Variants in SLC22A23 observed in about 807,000 individuals in gnomAD.
SLC22A23 encodes the protein solute carrier family 22 member 23, also known as ion transporter protein.
SLC22A23 carries 26 observed loss-of-function variants against 61.0 expected under a neutral mutation model. That is an observed-to-expected ratio of 0.43 (90% CI 0.31 to 0.59). The LOEUF is 0.59. Ranked by LOEUF, SLC22A23 falls within the 20% of genes least tolerant of loss-of-function variation. The pLI is 0.11. For synonymous variants in SLC22A23, 430 were observed against 413.9 expected (o/e 1.04, Z -0.47); for missense variants, 796 against 934.7 (o/e 0.85, Z 1.94).
intron 4 of SLC22A23, chr6:3,313,466 G>A (rs898244034): frequency 2.6e-5 from 4 of 152,060 alleles, no homozygotes; most frequent in Non-Finnish European, 4.4e-5. Flanking sequence ...TTTTCATGAC[G>A]CACCTCTTCC....
In SLC22A23 at chr6:3,289,109, C is replaced by T. The variant is rs560037292; in HGVS notation, c.1313+655G>A. ...TCCGCCACCTTGGTGACCTCTGACCCTGAACAAGGGACCACCTTGCACAGT... is the reference window on the plus strand; with the variant it reads ...TCCGCCACCTTGGTGACCTCTGACCTTGAACAAGGGACCACCTTGCACAGT... On this transcript the variant is annotated intron_variant, in intron 6 of 9. Transcript: ENST00000406686. Among the ~76,000 whole-genome samples the T allele has an allele frequency of 3.7e-4, 56 of 152,370 alleles. 1 individual carries two copies. The South Asian group carries it at 0.011, about 30-fold the overall frequency.
At chr6:3,285,175 GA>G in intron 7 of SLC22A23, 64 bp from the exon 8 acceptor site, 1 of 1,599,996 alleles carries the variant, frequency 6.3e-7, no homozygotes, top group African/African-American at 1.3e-5. Flanking sequence ...AGAGAGAAGA[GA>G]GCACATTAGG....
rs547508776 is a variant in SLC22A23, at chr6:3,360,808, A to T, written c.914-36806T>A. ...CTCTGATGGAGACCTGCGTTCGGCCAGGCAGGCCCACAGCTGGCGTGGTCA... is the reference window on the plus strand; with the variant it reads ...CTCTGATGGAGACCTGCGTTCGGCCTGGCAGGCCCACAGCTGGCGTGGTCA... On this transcript the variant is annotated intron_variant, in intron 3 of 9. Coordinates refer to ENST00000406686, the MANE Select transcript of SLC22A23 (RefSeq NM_015482.2). The surrounding 1 kb of genome is among the most constrained non-coding windows in gnomAD (Gnocchi z 4.6). Among the ~76,000 whole-genome samples, 64 of 151,042 alleles carry T rather than the reference A, an allele frequency of 4.2e-4. No homozygotes were observed. The highest frequency in any genetic ancestry group is 1.5e-3 in the African/African-American group (62 of 40,798).
At chr6:3,274,942 CA>C (rs1758760575) in intron 9 of SLC22A23, among the ~76,000 whole-genome samples, 2 of 147,318 alleles carry the variant, frequency 1.4e-5, no homozygotes, top group South Asian at 4.3e-4. Flanking sequence ...TAATCCCTAT[CA>C]AAATTCCAGG....
chr6:3,338,382 T>G (rs1248318102), intron 3 of SLC22A23, among the ~76,000 whole-genome samples: 1 of 152,252 alleles, frequency 6.6e-6, no homozygotes, highest in Non-Finnish European at 1.5e-5. Context: ...CAGGCTGGAG[T>G]GCAGTGGTAT....
chr6:3,378,410 C>CT (rs888239399), intron 3 of SLC22A23, among the ~76,000 whole-genome samples: 13 of 152,286 alleles, frequency 8.5e-5, no homozygotes, highest in African/African-American at 3.1e-4. Flanking sequence ...ATTTTTAAAA[C>CT]TTTTTACAAA....
At chr6:3,403,937 C>T (rs138636401) in intron 3 of SLC22A23, among the ~76,000 whole-genome samples, 65 of 152,318 alleles carry the variant, frequency 4.3e-4, no homozygotes, top group African/African-American at 1.5e-3. Context: ...CAATCTGTCA[C>T]GGTCACCGTC....
chr6:3,412,587 A>C (rs1432321038), intron 2 of SLC22A23, among the ~76,000 whole-genome samples: 2 of 152,198 alleles, frequency 1.3e-5, no homozygotes, highest in Admixed American at 1.3e-4. Context: ...AGAGGACTTT[A>C]TCACTTAGGA....
intron 5 of SLC22A23, among the ~76,000 whole-genome samples, chr6:3,295,036 C>G (rs576453205): frequency 6.6e-6 from 1 of 152,060 alleles, no homozygotes; most frequent in Non-Finnish European, 1.5e-5. Context: ...GTCCTGGGTT[C>G]GTTTAGCCCA....
At chr6:3,292,169 A>G (rs957236297) in intron 5 of SLC22A23, among the ~76,000 whole-genome samples, 2 of 152,204 alleles carry the variant, frequency 1.3e-5, no homozygotes, top group African/African-American at 2.4e-5. Flanking sequence ...CAGCCTGTCA[A>G]CAACAGCATG....
At chr6:3,277,134 A>G (rs1388763030) in intron 9 of SLC22A23, among the ~76,000 whole-genome samples, 1 of 152,148 alleles carries the variant, frequency 6.6e-6, no homozygotes, top group Non-Finnish European at 1.5e-5. Context: ...TTCAGGGTCT[A>G]GGGGGCAGCT....
chr6:3,331,676 G>C (rs1257310840), intron 3 of SLC22A23, among the ~76,000 whole-genome samples: 1 of 152,194 alleles, frequency 6.6e-6, no homozygotes, highest in Non-Finnish European at 1.5e-5. Context: ...ACAGGGATTT[G>C]AATGCTCAGC....
intron 3 of SLC22A23, among the ~76,000 whole-genome samples, chr6:3,344,702 C>A (rs573022954): frequency 6.6e-6 from 1 of 152,344 alleles, no homozygotes; most frequent in Admixed American, 6.5e-5. Flanking sequence ...GAACCAATTC[C>A]AAACTTTAAG....
intron 3 of SLC22A23, among the ~76,000 whole-genome samples, chr6:3,325,192 T>C (rs1036906176): frequency 6.6e-6 from 1 of 152,122 alleles, no homozygotes; most frequent in African/African-American, 2.4e-5. Context: ...TTGGAGGCTG[T>C]TTGGATGGTG....
chr6:3,325,028 T>C (rs1763195225), intron 3 of SLC22A23, among the ~76,000 whole-genome samples: 1 of 152,244 alleles, frequency 6.6e-6, no homozygotes, highest in Admixed American at 6.5e-5. Context: ...TTATTTGTGA[T>C]TCTCCGGCAA....
intron 3 of SLC22A23, among the ~76,000 whole-genome samples, chr6:3,354,819 A>G (rs1281714885): frequency 1.1e-4 from 16 of 152,200 alleles, no homozygotes; most frequent in Admixed American, 1.0e-3. Context: ...TCTGAATCTC[A>G]TAATTCAACA....
In SLC22A23 at chr6:3,286,708, C is replaced by T. The variant is rs1760041652; in HGVS notation, c.1546+151G>A. 1.4e-6 allele frequency: 1 copy of T among 734,826 alleles called. No homozygotes were observed. Among genetic ancestry groups the T allele is most frequent in the Admixed American group, 2.6e-5 (1 of 38,322 alleles). The allele number at this position is 734,826 out of a possible 1,614,324, so 45.5% of individuals were successfully genotyped here. On this transcript the variant is annotated intron_variant, in intron 7 of 9. Coordinates refer to ENST00000406686, the MANE Select transcript of SLC22A23 (RefSeq NM_015482.2). This position sits in a 1 kb window ranked among gnomAD's most constrained non-coding sequence, Gnocchi z 4.2. Reference sequence around the variant, plus strand: ...CCCTCTAAGGCGGGCTCCACAGATGCTCTCAACTGAAGCTCTGTTCTCCCC... The same window carrying T: ...CCCTCTAAGGCGGGCTCCACAGATGTTCTCAACTGAAGCTCTGTTCTCCCC...
chr6:3,390,000 A>C (rs1767564151), intron 3 of SLC22A23, among the ~76,000 whole-genome samples: 1 of 152,244 alleles, frequency 6.6e-6, no homozygotes, highest in Admixed American at 6.5e-5. Flanking sequence ...GCTAAAATAC[A>C]AAAGTGACAT....
chr6:3,415,921 T>C, intron 1 of SLC22A23, 66 bp from the exon 2 acceptor site: 2 of 1,206,820 alleles, frequency 1.7e-6, no homozygotes, highest in Non-Finnish European at 2.4e-6. Flanking sequence ...TACTCAATTA[T>C]AAGGGCAATA....
Sources: allele counts gnomAD v4.1 joint callset (sites outside exome capture counted in the v4.1 genomes callset), GRCh38; gene constraint gnomAD v4.1.1; non-coding constraint Gnocchi (gnomAD v3.1); transcripts MANE v1.5; gene names NCBI Gene and HGNC (gene_info 2026-07-23, HGNC 2026-07-21).